The following VEPH1 variants were observed in gnomAD, a reference collection of about 807,000 sequenced individuals.
The protein encoded by VEPH1 is ventricular zone expressed PH domain containing 1, also known as ventricular zone-expressed PH domain-containing protein homolog 1.
VEPH1 carries 80 observed loss-of-function variants against 85.2 expected under a neutral mutation model. The ratio of observed to expected loss-of-function variants is 0.94; its 90% CI spans 0.78 to 1.13. The LOEUF is 1.13. VEPH1 is among the 50% of genes most tolerant of loss of function. The pLI is 0.00. For synonymous variants in VEPH1, 297 were observed against 348.0 expected (o/e 0.85, Z 1.63); for missense variants, 955 against 980.5 (o/e 0.97, Z 0.35).
rs532796472 is a variant in VEPH1 at position 157,297,950 on chromosome 3, A to G, written c.2011-11276T>C. Among the ~76,000 whole-genome samples the G allele has an allele frequency of 7.6e-4, 115 of 152,272 alleles. 1 individual carries two copies. The highest frequency in any genetic ancestry group is 1.4e-3 in the Admixed American group (21 of 15,300). ...ATTCAGGGAATAATTAGACACACACACAGGATGATAATGAGGTACCCAGGC... is the reference window on the plus strand; with the variant it reads ...ATTCAGGGAATAATTAGACACACACGCAGGATGATAATGAGGTACCCAGGC... On this transcript the variant is annotated intron_variant, in intron 11 of 13. Transcript: ENST00000362010.
intron 11 of VEPH1, among the ~76,000 whole-genome samples, chr3:157,295,766 C>A (rs1718047882): frequency 6.6e-6 from 1 of 152,064 alleles, no homozygotes; most frequent in Admixed American, 6.6e-5. Flanking sequence ...ACCAGCCTGG[C>A]CAACATGGTG....
intron 13 of VEPH1, among the ~76,000 whole-genome samples, chr3:157,263,493 T>C (rs988517839): frequency 7.9e-5 from 12 of 152,144 alleles, no homozygotes; most frequent in Non-Finnish European, 1.6e-4. Context: ...TCATTTCTAT[T>C]CTTGATTTCT....
intron 3 of VEPH1, among the ~76,000 whole-genome samples, chr3:157,465,377 A>T (rs542507648): frequency 5.0e-4 from 76 of 152,334 alleles, no homozygotes; most frequent in African/African-American, 1.7e-3. Context: ...TCTCCTGCAG[A>T]TAATGATAAT....
Position 157,335,596 on chromosome 3 carries a change from A to G in VEPH1, c.1736-18395T>C, listed in dbSNP as rs141386589. 2.0e-5 allele frequency among the ~76,000 whole-genome samples: 3 copies of G among 152,322 alleles called. No individual in the cohort carries two copies. In the East Asian group the frequency reaches 5.8e-4, roughly 29 times the overall value. ...TGGTAGTAAAAACCCAAGAAGACCA[A>G]ATGTTTTCCCCTTTGAATACAGCAT... On this transcript the variant is annotated intron_variant, in intron 9 of 13. Coordinates refer to ENST00000362010, the MANE Select transcript of VEPH1 (RefSeq NM_001167912.2).
intron 4 of VEPH1, among the ~76,000 whole-genome samples, chr3:157,434,297 A>C (rs1326072997): frequency 6.6e-6 from 1 of 151,812 alleles, no homozygotes; most frequent in African/African-American, 2.4e-5. Context: ...TGGATTTTTA[A>C]AATATTTCTT....
intron 9 of VEPH1, among the ~76,000 whole-genome samples, chr3:157,347,453 G>T (rs1009674287): frequency 6.6e-6 from 1 of 152,196 alleles, no homozygotes; most frequent in African/African-American, 2.4e-5. Context: ...CATGAAACAT[G>T]GGCCATCACA....
intron 7 of VEPH1, among the ~76,000 whole-genome samples, chr3:157,369,192 A>AAAAAAAAC (rs1553773122): frequency 5.6e-5 from 8 of 142,782 alleles, no homozygotes; most frequent in Non-Finnish European, 1.2e-4. Context: ...AAAAAAAAAA[A>AAAAAAAAC]AAAAAAAAAA....
At chr3:157,439,603 G>T (rs1733954033) in intron 4 of VEPH1, among the ~76,000 whole-genome samples, 1 of 152,156 alleles carries the variant, frequency 6.6e-6, no homozygotes, top group Non-Finnish European at 1.5e-5. Flanking sequence ...TCCAGTCCAT[G>T]AACTTATATA....
chr3:157,292,369 T>G lies in VEPH1; in HGVS notation c.2011-5695A>C, dbSNP rs1577256590. 2.6e-5 allele frequency among the ~76,000 whole-genome samples: 4 copies of G among 152,330 alleles called. 1 individual carries two copies. Among genetic ancestry groups the G allele is most frequent in the African/African-American group, 9.6e-5 (4 of 41,576 alleles). The stretch of plus-strand genomic sequence containing the variant: ...TTTGAGGAATTTGTCAATCTCCATG[T>G]GCATATGCTCATTCTTTTCCACAAT... On this transcript the variant is annotated intron_variant, in intron 11 of 13. Coordinates refer to ENST00000362010, the MANE Select transcript of VEPH1 (RefSeq NM_001167912.2).
chr3:157,481,841 T>C (rs560854481), intron 2 of VEPH1, among the ~76,000 whole-genome samples: 1 of 152,256 alleles, frequency 6.6e-6, no homozygotes, highest in Non-Finnish European at 1.5e-5. Flanking sequence ...ATTTATTGAA[T>C]AGGGTATCCT....
intron 7 of VEPH1, among the ~76,000 whole-genome samples, chr3:157,370,826 C>T (rs61068670): frequency 0.28 from 41,960 of 152,072 alleles, 6,318 homozygotes; most frequent in African/African-American, 0.39. Flanking sequence ...GGGAAACTGA[C>T]TGAACAGAAT....
intron 9 of VEPH1, among the ~76,000 whole-genome samples, chr3:157,346,198 A>G (rs994612019): frequency 2.3e-4 from 35 of 152,216 alleles, no homozygotes; most frequent in Admixed American, 6.5e-4. Flanking sequence ...GGTCATCATT[A>G]TGGCAGTCTG....
At chr3:157,477,108 C>T (rs1737541495) in intron 2 of VEPH1, among the ~76,000 whole-genome samples, 1 of 152,002 alleles carries the variant, frequency 6.6e-6, no homozygotes, top group South Asian at 2.1e-4. Flanking sequence ...TAAAGTTCTG[C>T]AGGTCAGAAG....
chr3:157,404,770 A>C (rs1303542949), intron 6 of VEPH1, among the ~76,000 whole-genome samples: 1 of 152,208 alleles, frequency 6.6e-6, no homozygotes, highest in Non-Finnish European at 1.5e-5. Flanking sequence ...AGGCAAAGAA[A>C]TGCAAATACT....
chr3:157,367,370 T>C (rs1726824285), intron 7 of VEPH1, among the ~76,000 whole-genome samples: 1 of 152,226 alleles, frequency 6.6e-6, no homozygotes, highest in South Asian at 2.1e-4. Context: ...AAGATAATGC[T>C]ATCTCTAGAT....
At chr3:157,326,612 T>C (rs1721931533) in intron 9 of VEPH1, among the ~76,000 whole-genome samples, 1 of 152,076 alleles carries the variant, frequency 6.6e-6, no homozygotes, top group African/African-American at 2.4e-5. Context: ...TAGGAGAATA[T>C]AGAATGGAAC....
chr3:157,282,504 AT>A (rs1342207525), intron 12 of VEPH1, among the ~76,000 whole-genome samples: 3 of 152,222 alleles, frequency 2.0e-5, no homozygotes, highest in African/African-American at 7.2e-5. Context: ...TCACATTCAA[AT>A]TTTAAATGTC....
intron 9 of VEPH1, among the ~76,000 whole-genome samples, chr3:157,349,990 T>C (rs769613152): frequency 3.5e-4 from 54 of 152,132 alleles, no homozygotes; most frequent in Non-Finnish European, 6.0e-4. Context: ...AAAATGCCTA[T>C]GACATTCTTC....
intron 6 of VEPH1, among the ~76,000 whole-genome samples, chr3:157,382,993 G>T (rs1728931579): frequency 6.6e-6 from 1 of 151,928 alleles, no homozygotes; most frequent in Admixed American, 6.6e-5. Context: ...ACCACACTCA[G>T]CTATTTTTTA....
Sources: gnomAD v4.1 joint callset for allele counts (sites outside exome capture counted in the v4.1 genomes callset) on GRCh38, gnomAD v4.1.1 for gene constraint, MANE v1.5 for transcripts, NCBI Gene and HGNC (gene_info 2026-07-23, HGNC 2026-07-21) for gene names.